The following MYO1E variants were observed in gnomAD, a reference collection of about 807,000 sequenced individuals.
MYO1E encodes myosin IE, also known as unconventional myosin-Ie.
MYO1E carries 68 observed loss-of-function variants against 151.1 expected under a neutral mutation model. That is an observed-to-expected ratio of 0.45 (90% CI 0.37 to 0.55). The LOEUF (loss-of-function observed/expected upper bound fraction) is 0.55, where lower values mean the gene tolerates loss of function less well. Among genes scored for constraint, MYO1E ranks in the 20% least tolerant of loss-of-function variants. The probability of loss-of-function intolerance (pLI) is 0.00; values close to 1 mark genes in which losing one functional copy is unlikely to be tolerated. For missense variants in MYO1E, 1,363 were observed against 1,389.3 expected, an observed-to-expected ratio of 0.98 and a Z score of 0.30; for synonymous variants, 601 against 501.7, an observed-to-expected ratio of 1.20 and a Z score of -2.64.
chr15:59,309,851 C>T (rs2080538878), intron 1 of MYO1E, among the ~76,000 whole-genome samples: 1 of 152,148 alleles, frequency 6.6e-6, no homozygotes, highest in Non-Finnish European at 1.5e-5. Flanking sequence ...GATAGGCCTT[C>T]GTATATACTG....
intron 19 of MYO1E, among the ~76,000 whole-genome samples, chr15:59,175,200 G>C (rs1338092871): frequency 6.6e-6 from 1 of 152,164 alleles, no homozygotes; most frequent in East Asian, 1.9e-4. Context: ...ATTTAGACAC[G>C]CAAAGCTTTC....
chr15:59,180,894 G>C (rs1028971667), intron 18 of MYO1E, among the ~76,000 whole-genome samples: 9 of 152,302 alleles, frequency 5.9e-5, no homozygotes, highest in Admixed American at 5.2e-4. Flanking sequence ...CATATTTTCA[G>C]TTTAAGACTC....
intron 4 of MYO1E, among the ~76,000 whole-genome samples, chr15:59,241,369 C>A (rs752872515): frequency 2.6e-5 from 4 of 152,118 alleles, no homozygotes; most frequent in African/African-American, 7.2e-5. Context: ...ACAAAAGAAA[C>A]AACAACTATA....
intron 22 of MYO1E, among the ~76,000 whole-genome samples, chr15:59,164,860 T>A (rs1195383052): frequency 6.6e-6 from 1 of 152,196 alleles, no homozygotes; most frequent in Non-Finnish European, 1.5e-5. Flanking sequence ...ATGTTGAAAC[T>A]CATTCACCAA....
intron 1 of MYO1E, among the ~76,000 whole-genome samples, chr15:59,294,615 A>G (rs1330587020): frequency 6.6e-6 from 1 of 152,164 alleles, no homozygotes; most frequent in Non-Finnish European, 1.5e-5. Context: ...GGGAGAACAC[A>G]GGCCTTCTTG....
At chr15:59,336,232 G>A (rs1359563204) in intron 1 of MYO1E, among the ~76,000 whole-genome samples, 1 of 151,816 alleles carries the variant, frequency 6.6e-6, no homozygotes, top group Non-Finnish European at 1.5e-5. Context: ...TTAGCTGGGT[G>A]CGATGGCGTG....
intron 1 of MYO1E, among the ~76,000 whole-genome samples, chr15:59,275,282 C>A (rs1344468915): frequency 6.6e-6 from 1 of 152,180 alleles, no homozygotes; most frequent in East Asian, 1.9e-4. Context: ...AATTTTTATT[C>A]ATGACCACCT....
chr15:59,166,591 T>C (rs1406558154), intron 22 of MYO1E, among the ~76,000 whole-genome samples: 1 of 152,050 alleles, frequency 6.6e-6, no homozygotes, highest in Non-Finnish European at 1.5e-5. Flanking sequence ...TTTCCAAGGA[T>C]AGCCCTGCCT....
chr15:59,279,070 T>C (rs553805388), intron 1 of MYO1E, among the ~76,000 whole-genome samples: 2 of 152,318 alleles, frequency 1.3e-5, no homozygotes, highest in East Asian at 1.9e-4. Flanking sequence ...TATGTGACCA[T>C]ACCACAGATT....
intron 26 of MYO1E, among the ~76,000 whole-genome samples, chr15:59,139,665 C>A (rs1448617338): frequency 5.9e-5 from 9 of 151,292 alleles, no homozygotes; most frequent in Admixed American, 4.6e-4. Context: ...TCTGCCCTCT[C>A]ATTATTACTC....
intron 22 of MYO1E, among the ~76,000 whole-genome samples, chr15:59,170,593 A>T (rs2079587274): frequency 6.6e-6 from 1 of 152,160 alleles, no homozygotes; most frequent in Non-Finnish European, 1.5e-5. Flanking sequence ...GCTTTAAAAA[A>T]AAAACAAAAA....
chr15:59,336,215 A>T (rs2140425950), intron 1 of MYO1E, among the ~76,000 whole-genome samples: 1 of 152,150 alleles, frequency 6.6e-6, no homozygotes, highest in East Asian at 1.9e-4. Flanking sequence ...TAAAAAAAAT[A>T]CAAAAATTAG....
intron 1 of MYO1E, among the ~76,000 whole-genome samples, chr15:59,348,124 T>C (rs1464471263): frequency 6.9e-6 from 1 of 144,600 alleles, no homozygotes; most frequent in African/African-American, 2.8e-5. Flanking sequence ...GCCTCTGGTC[T>C]AGGGTCAATG....
At chr15:59,283,406 C>G (rs1419558918) in intron 1 of MYO1E, among the ~76,000 whole-genome samples, 1 of 152,110 alleles carries the variant, frequency 6.6e-6, no homozygotes, top group African/African-American at 2.4e-5. Flanking sequence ...GCCTACTAAA[C>G]TCTCACCCAG....
intron 1 of MYO1E, among the ~76,000 whole-genome samples, chr15:59,317,020 TG>T (rs1373270800): frequency 2.0e-5 from 3 of 152,220 alleles, no homozygotes; most frequent in African/African-American, 7.2e-5. Context: ...GTTGTCTTCT[TG>T]CTAGGAATAG....
intron 25 of MYO1E, among the ~76,000 whole-genome samples, chr15:59,156,908 A>G (rs1340301365): frequency 6.6e-6 from 1 of 152,160 alleles, no homozygotes. Context: ...GTGTCTGGAT[A>G]TGTCAGTTAT....
intron 17 of MYO1E, among the ~76,000 whole-genome samples, chr15:59,188,759 A>G (rs756289868): frequency 3.9e-5 from 6 of 152,148 alleles, no homozygotes; most frequent in Non-Finnish European, 7.4e-5. Flanking sequence ...ACAGGGCATT[A>G]CATATCTATT....
chr15:59,143,585 G>A (rs1332886358), intron 26 of MYO1E, among the ~76,000 whole-genome samples: 2 of 152,126 alleles, frequency 1.3e-5, no homozygotes, highest in Admixed American at 1.3e-4. Context: ...GGAAACTGCC[G>A]GTAGCTGTGT....
At chr15:59,210,315 T>C (rs1484890216) in intron 13 of MYO1E, among the ~76,000 whole-genome samples, 199 bp downstream of exon 13, 1 of 149,488 alleles carries the variant, frequency 6.7e-6, no homozygotes, top group Non-Finnish European at 1.5e-5. Context: ...ATTTTACTCA[T>C]ATCCACATGT....
Sources: gnomAD v4.1 joint callset for allele counts (sites outside exome capture counted in the v4.1 genomes callset) on GRCh38, gnomAD v4.1.1 for gene constraint, MANE v1.5 for transcripts, NCBI Gene and HGNC (gene_info 2026-07-23, HGNC 2026-07-21) for gene names.